PLEKHA2: variants seen among roughly 807,000 people sequenced by gnomAD.
PLEKHA2 encodes pleckstrin homology domain-containing family A member 2.
In PLEKHA2, 28 loss-of-function variants were observed where a neutral mutation model predicts 53.2. The ratio of observed to expected loss-of-function variants is 0.53; its 90% confidence interval spans 0.39 to 0.72. PLEKHA2 has a LOEUF of 0.72. Ranked by LOEUF, PLEKHA2 falls within the 30% of genes least tolerant of loss-of-function variation. PLEKHA2 has a pLI of 0.00. For synonymous variants in PLEKHA2, 193 were observed against 196.4 expected, an observed-to-expected ratio of 0.98 and a Z score of 0.14; for missense variants, 426 against 537.9, an observed-to-expected ratio of 0.79 and a Z score of 2.06.
At chr8:38,939,012 T>C (rs1004760088) in intron 3 of PLEKHA2, among the ~76,000 whole-genome samples, 9 of 152,036 alleles carry the variant, frequency 5.9e-5, no homozygotes, top group African/African-American at 2.2e-4. Context: ...CAAGCGATTG[T>C]TCTGCCTCAG....
Position 38,949,028 on chromosome 8 carries a change from G to A in PLEKHA2, c.346-1822G>A, listed in dbSNP as rs548047192. Among the ~76,000 whole-genome samples the A allele has an allele frequency of 5.9e-5, 9 of 152,104 alleles. No individual in the cohort carries two copies. In the East Asian group the frequency reaches 9.7e-4, roughly 16 times the overall value. On this transcript the variant is annotated intron_variant, in intron 5 of 11. Coordinates refer to ENST00000617275, the MANE Select transcript of PLEKHA2 (RefSeq NM_021623.2). ...TGGGGTTACAGGTGCCCGCCACTACGCCCAGCTAATTTTTGTATTTTTAGT... is the reference window on the plus strand; with the variant it reads ...TGGGGTTACAGGTGCCCGCCACTACACCCAGCTAATTTTTGTATTTTTAGT...
chr8:38,954,861 C>A (rs2129422938), intron 9 of PLEKHA2, among the ~76,000 whole-genome samples: 1 of 152,142 alleles, frequency 6.6e-6, no homozygotes, highest in African/African-American at 2.4e-5. Context: ...AGCGAAACCC[C>A]TTCTTTACTA....
At chr8:38,911,280 A>C (rs1833950116) in intron 1 of PLEKHA2, among the ~76,000 whole-genome samples, 1 of 151,438 alleles carries the variant, frequency 6.6e-6, no homozygotes, top group South Asian at 2.1e-4. Context: ...TCTGTCACCC[A>C]GGCTGGGGTG....
chr8:38,942,017 G>T (rs1834621069), intron 3 of PLEKHA2, among the ~76,000 whole-genome samples: 2 of 152,324 alleles, frequency 1.3e-5, no homozygotes, highest in South Asian at 4.1e-4. Flanking sequence ...GTCAGTCATT[G>T]TTAGACCCTA....
intron 1 of PLEKHA2, among the ~76,000 whole-genome samples, chr8:38,913,946 G>T (rs1468831717): frequency 6.6e-6 from 1 of 152,162 alleles, no homozygotes; most frequent in African/African-American, 2.4e-5. Flanking sequence ...GGGTCTGTCC[G>T]CAGGTGCCAT....
At chr8:38,961,530 C>G (rs1367397897) in intron 10 of PLEKHA2, among the ~76,000 whole-genome samples, 3 of 151,948 alleles carry the variant, frequency 2.0e-5, no homozygotes, top group African/African-American at 4.8e-5. Context: ...GAGTGAGACT[C>G]TGTCTCAAAA....
intron 3 of PLEKHA2, among the ~76,000 whole-genome samples, chr8:38,937,241 C>T (rs1246558933): frequency 6.6e-6 from 1 of 152,212 alleles, no homozygotes; most frequent in Admixed American, 6.5e-5. Context: ...AGGGCCTTTT[C>T]AAGTCCAGCC....
At chr8:38,949,050 T>C (rs899595708) in intron 5 of PLEKHA2, among the ~76,000 whole-genome samples, 2 of 152,114 alleles carry the variant, frequency 1.3e-5, no homozygotes, top group Non-Finnish European at 2.9e-5. Context: ...TTTGTATTTT[T>C]AGTAGAGACG....
Position 38,936,013 on chromosome 8 carries a change from G to A in PLEKHA2, c.161G>A (p.Gly54Glu). ...DNPQNLAMGA[G>E]AVGALQLTYI... ...TTTCAGAATCTGGCAATGGGGGCAG[G>A]AGCTGTTGGAGCTTTGCAGCTGACC... The change falls in exon 3 of 12, where the codon GGA (glycine) becomes GAA (glutamate). Residue 54 changes from glycine (G) to glutamate (E), a missense_variant. By Grantham distance (98) the Gly-to-Glu change is moderately conservative. Coordinates refer to ENST00000617275, the MANE Select transcript of PLEKHA2 (RefSeq NM_021623.2). The A allele has an allele frequency of 6.2e-7, 1 of 1,613,646 alleles. No homozygotes were observed. The highest frequency in any genetic ancestry group is 1.1e-5 in the South Asian group (1 of 91,076).
In PLEKHA2 at chr8:38,945,569, T is replaced by C. The variant is rs528747899; in HGVS notation, c.248-555T>C. On this transcript the variant is annotated intron_variant, in intron 4 of 11. Coordinates refer to ENST00000617275, the MANE Select transcript of PLEKHA2 (RefSeq NM_021623.2). ...GTTATCAGATCTGAAAATATATATA[T>C]GTAATAATAGTGAATGTGGAAGTAA... is the stretch of plus-strand genomic sequence containing the variant. Among the ~76,000 whole-genome samples the C allele has an allele frequency of 2.0e-5, 3 of 152,244 alleles. No individual in the cohort carries two copies. The South Asian group carries it at 6.2e-4, about 32-fold the overall frequency.
rs553013406 is a variant in PLEKHA2 at position 38,956,179 on chromosome 8, G to A, written c.774-1144G>A. 7.9e-5 allele frequency among the ~76,000 whole-genome samples: 12 copies of A among 152,278 alleles called. No homozygotes were observed. The South Asian group carries it at 1.0e-3, about 13-fold the overall frequency. On this transcript the variant is annotated intron_variant, in intron 9 of 11. Transcript: ENST00000617275. ...TTCCCCGCAGTGGCTGGGGATATAC[G>A]CGGCAGGCATTTAACACTGGGAAAT...
At chr8:38,902,534 T>G (rs1366790512) in intron 1 of PLEKHA2, among the ~76,000 whole-genome samples, 2 of 152,172 alleles carry the variant, frequency 1.3e-5, no homozygotes, top group Non-Finnish European at 2.9e-5. Flanking sequence ...AAGCCAGCTG[T>G]GGCTCTGGGG....
At chr8:38,902,787 C>G (rs565237794) in intron 1 of PLEKHA2, among the ~76,000 whole-genome samples, 1 of 152,300 alleles carries the variant, frequency 6.6e-6, no homozygotes, top group Non-Finnish European at 1.5e-5. Flanking sequence ...CAAAACACAA[C>G]CCCTGTCTTT....
Position 38,935,606 on chromosome 8 carries a change from A to G in PLEKHA2, c.142-388A>G, listed in dbSNP as rs73615970. Among the ~76,000 whole-genome samples the G allele has an allele frequency of 3.3e-5, 5 of 151,876 alleles. No homozygotes were observed. In the South Asian group the frequency reaches 1.0e-3, roughly 32 times the overall value. Reference sequence around the variant, plus strand: ...GCTAATTTTTAAAATTTTTGTAGAGATGGGGTCTTGATATGTTATCCAGGC... The same window carrying G: ...GCTAATTTTTAAAATTTTTGTAGAGGTGGGGTCTTGATATGTTATCCAGGC... On this transcript the variant is annotated intron_variant, in intron 2 of 11. Coordinates refer to ENST00000617275, the MANE Select transcript of PLEKHA2 (RefSeq NM_021623.2).
At chr8:38,930,660 ATGG>A (rs1834375579) in intron 2 of PLEKHA2, among the ~76,000 whole-genome samples, 1 of 152,030 alleles carries the variant, frequency 6.6e-6, no homozygotes, top group African/African-American at 2.4e-5. Context: ...ATGGCATGGC[ATGG>A]CACGGCATGG....
chr8:38,912,609 G>A (rs1833969497), intron 1 of PLEKHA2, among the ~76,000 whole-genome samples: 1 of 152,192 alleles, frequency 6.6e-6, no homozygotes, highest in African/African-American at 2.4e-5. Flanking sequence ...TGGTGACATG[G>A]CAGAGGAGGC....
intron 3 of PLEKHA2, among the ~76,000 whole-genome samples, chr8:38,938,249 C>T (rs1435889735): frequency 6.6e-6 from 1 of 152,192 alleles, no homozygotes; most frequent in Non-Finnish European, 1.5e-5. Flanking sequence ...TGGATGCCTT[C>T]TCCAGGTAAA....
intron 1 of PLEKHA2, among the ~76,000 whole-genome samples, chr8:38,911,745 G>A (rs2152364931): frequency 6.6e-6 from 1 of 152,268 alleles, no homozygotes; most frequent in African/African-American, 2.4e-5. Flanking sequence ...GAGGCTTGAG[G>A]CAGGAGGATT....
intron 9 of PLEKHA2, among the ~76,000 whole-genome samples, chr8:38,954,675 A>G (rs1834905608): frequency 6.6e-6 from 1 of 152,030 alleles, no homozygotes; most frequent in South Asian, 2.1e-4. Context: ...GGATATCTTG[A>G]TAATCAATTA....
Sources: allele counts gnomAD v4.1 joint callset (sites outside exome capture counted in the v4.1 genomes callset), GRCh38; gene constraint gnomAD v4.1.1; transcripts MANE v1.5; gene names NCBI Gene and HGNC (gene_info 2026-07-23, HGNC 2026-07-21).